The following MMP20 variants were observed in gnomAD, a reference collection of about 807,000 sequenced individuals.
MMP20 encodes matrix metalloproteinase-20.
MMP20 carries 50 observed loss-of-function variants against 51.8 expected under a neutral mutation model. That is an observed-to-expected ratio of 0.97 (90% CI 0.77 to 1.22). MMP20 has a LOEUF of 1.22. Ranked by LOEUF, MMP20 falls within the 50% of genes most tolerant of loss-of-function variation. The pLI is 0.00. For missense variants in MMP20, 663 were observed against 601.4 expected (o/e 1.10, Z -1.07); for synonymous variants, 244 against 216.2 (o/e 1.13, Z -1.13).
At chr11:102,596,580 C>T (rs1859383669) in intron 6 of MMP20, among the ~76,000 whole-genome samples, 1 of 152,190 alleles carries the variant, frequency 6.6e-6, no homozygotes, top group Admixed American at 6.5e-5. Flanking sequence ...TGGGCACCCT[C>T]CATAGACAAT....
At chr11:102,583,191 AC>A (rs1168986508) in intron 8 of MMP20, among the ~76,000 whole-genome samples, 1 of 152,112 alleles carries the variant, frequency 6.6e-6, no homozygotes, top group Non-Finnish European at 1.5e-5. Flanking sequence ...TAAGGAAATG[AC>A]CCCCAACTAG....
Position 102,606,618 on chromosome 11 carries a change from T to A in MMP20, c.870A>T (p.Pro290=), listed in dbSNP as rs17098831. 1,607 of 1,613,970 alleles carry A rather than the reference T, an allele frequency of 1.0e-3. 11 individuals carry two copies. In the African/African-American group the frequency reaches 0.019, roughly 20 times the overall value. The part of the protein sequence containing the change: ...PTLPHAPHHK[P]SIPDLCDSSS... ...TGGAGTCACAGAGGTCAGGGATGGA[T>A]GGCTTGTGATGGGGGGCATGGGGCA... The change falls in exon 6 of 10, where the codon CCA becomes CCT. Residue 290 remains proline, a synonymous_variant. Transcript: ENST00000260228.
At chr11:102,598,440 C>A (rs1859408495) in intron 6 of MMP20, among the ~76,000 whole-genome samples, 1 of 152,202 alleles carries the variant, frequency 6.6e-6, no homozygotes, top group Non-Finnish European at 1.5e-5. Context: ...TTTAGCTGCA[C>A]TGTTTATCTT....
At chr11:102,618,147 CA>C (rs1485367657) in intron 1 of MMP20, among the ~76,000 whole-genome samples, 4 of 151,688 alleles carry the variant, frequency 2.6e-5, no homozygotes, top group South Asian at 2.1e-4. Flanking sequence ...GGAAAAGCTA[CA>C]AAAAAAATGT....
At chr11:102,608,820 G>T in intron 5 of MMP20, 117 bp downstream of exon 5, 2 of 1,082,748 alleles carry the variant, frequency 1.8e-6, no homozygotes, top group East Asian at 2.4e-5. Context: ...AGGCATAGTT[G>T]GGGTTATGGT....
At chr11:102,593,032 G>T (rs1435645434) in intron 8 of MMP20, among the ~76,000 whole-genome samples, 1 of 152,174 alleles carries the variant, frequency 6.6e-6, no homozygotes, top group South Asian at 2.1e-4. Flanking sequence ...GAGACCCATG[G>T]TCAGGACCAT....
chr11:102,610,043 G>A lies in MMP20; in HGVS notation c.524-13C>T, dbSNP rs757502230. 6 of 1,613,814 alleles carry A rather than the reference G, an allele frequency of 3.7e-6. No homozygotes were observed. The highest frequency in any genetic ancestry group is 5.1e-6 in the Non-Finnish European group (6 of 1,179,964). The stretch of plus-strand genomic sequence containing the variant: ...GAATCCCCGTGATCTAAACAAGTGG[G>A]GAGAAAGGCCAACAAGATTGAGTCC... On this transcript the variant is annotated splice_polypyrimidine_tract_variant and intron_variant, in intron 3 of 9. Coordinates refer to ENST00000260228, the MANE Select transcript of MMP20 (RefSeq NM_004771.4).
At chr11:102,585,097 T>C (rs1202910066) in intron 8 of MMP20, among the ~76,000 whole-genome samples, 1 of 152,120 alleles carries the variant, frequency 6.6e-6, no homozygotes, top group East Asian at 1.9e-4. Context: ...TTGGCTATTC[T>C]AGGCCCGTGA....
intron 5 of MMP20, 67 bp downstream of exon 5, chr11:102,608,870 T>C: frequency 6.6e-7 from 1 of 1,526,096 alleles, no homozygotes; most frequent in Non-Finnish European, 9.1e-7. Context: ...AAATGCACTT[T>C]CTTTAATTCG....
At chr11:102,620,924 A>G (rs1859742220) in intron 1 of MMP20, among the ~76,000 whole-genome samples, 1 of 152,132 alleles carries the variant, frequency 6.6e-6, no homozygotes, top group African/African-American at 2.4e-5. Flanking sequence ...GCAGATGAAT[A>G]TGGTTTTATT....
Position 102,611,888 on chromosome 11 carries a change from T to C in MMP20, c.390A>G (p.Thr130=). The change falls in exon 3 of 10, where the codon ACA becomes ACG. Residue 130 remains threonine (T), a synonymous_variant. Transcript: ENST00000260228. ...CCACCTCGACAGAACTCATGGAAGG[T>C]GTGTATTTAGATATTCTGTGAAAAC... The part of the protein sequence containing the change: ...NTLTYRISKY[T]PSMSSVEVDK... 1.2e-6 allele frequency: 2 copies of C among 1,614,086 alleles called. No homozygotes were observed. Among genetic ancestry groups the C allele is most frequent in the Non-Finnish European group, 1.7e-6 (2 of 1,179,944 alleles).
intron 6 of MMP20, among the ~76,000 whole-genome samples, chr11:102,604,488 T>G (rs1440712095): frequency 6.6e-6 from 1 of 152,240 alleles, no homozygotes; most frequent in East Asian, 1.9e-4. Flanking sequence ...AAATATTTTT[T>G]GATTCCCACT....
At chr11:102,582,701 G>A (rs1229428177) in intron 8 of MMP20, among the ~76,000 whole-genome samples, 1 of 151,924 alleles carries the variant, frequency 6.6e-6, no homozygotes, top group African/African-American at 2.4e-5. Flanking sequence ...TAACAACATA[G>A]AAAAATATGT....
intron 7 of MMP20, 67 bp from the exon 8 acceptor site, chr11:102,593,662 T>G: frequency 6.4e-7 from 1 of 1,566,058 alleles, no homozygotes; most frequent in Non-Finnish European, 8.8e-7. Context: ...CTCATAAAGA[T>G]TTCTATGAAG....
intron 6 of MMP20, among the ~76,000 whole-genome samples, chr11:102,600,617 G>T (rs992126024): frequency 1.3e-5 from 2 of 152,098 alleles, no homozygotes; most frequent in African/African-American, 4.8e-5. Flanking sequence ...CTGAGAAGCT[G>T]GGATTACAAG....
intron 1 of MMP20, among the ~76,000 whole-genome samples, chr11:102,621,642 A>G (rs1180909289): frequency 6.6e-6 from 1 of 152,240 alleles, no homozygotes; most frequent in African/African-American, 2.4e-5. Flanking sequence ...AGCTTGATGT[A>G]CAAAGATGCT....
intron 1 of MMP20, among the ~76,000 whole-genome samples, chr11:102,618,686 A>G (rs1474523225): frequency 2.0e-5 from 3 of 152,160 alleles, no homozygotes; most frequent in Admixed American, 2.0e-4. Context: ...GCATATACAC[A>G]CACGCACACA....
At chr11:102,612,738 C>CTTTT (rs35861660) in intron 2 of MMP20, among the ~76,000 whole-genome samples, 4 of 127,196 alleles carry the variant, frequency 3.1e-5, no homozygotes, top group Non-Finnish European at 6.5e-5. Flanking sequence ...TCTTTTCTTT[C>CTTTT]TTTTTTTTTT....
At chr11:102,597,719 G>T (rs1859398586) in intron 6 of MMP20, among the ~76,000 whole-genome samples, 1 of 152,116 alleles carries the variant, frequency 6.6e-6, no homozygotes, top group Non-Finnish European at 1.5e-5. Flanking sequence ...GTGCACATAG[G>T]ATAGAAATAA....
Sources: allele counts gnomAD v4.1 joint callset (sites outside exome capture counted in the v4.1 genomes callset), GRCh38; gene constraint gnomAD v4.1.1; transcripts MANE v1.5; gene names NCBI Gene and HGNC (gene_info 2026-07-23, HGNC 2026-07-21).